The following SDK1 variants were observed in gnomAD, a reference collection of about 807,000 sequenced individuals.
The protein encoded by SDK1 is sidekick cell adhesion molecule 1.
SDK1 carries 157 observed loss-of-function variants against 245.5 expected under a neutral mutation model. The ratio of observed to expected loss-of-function variants is 0.64; its 90% CI spans 0.56 to 0.73. The LOEUF (loss-of-function observed/expected upper bound fraction) is 0.73. SDK1 is among the 30% of genes least tolerant of loss of function. The pLI is 0.00. For missense variants in SDK1, 3,583 were observed against 3,002.3 expected (o/e 1.19, Z -4.52); for synonymous variants, 1,647 against 1,278.5 (o/e 1.29, Z -6.15).
At position 4,011,043 on chromosome 7, in the gene SDK1, C is replaced by G; in HGVS notation, c.2209C>G (p.Arg737Gly). 1 of 1,614,190 alleles carries G rather than the reference C, an allele frequency of 6.2e-7. No homozygotes were observed. The change falls in exon 15 of 45, where the codon CGT becomes GGT. Residue 737 changes from arginine (R) to glycine (G), a missense_variant. Coordinates refer to ENST00000404826, the MANE Select transcript of SDK1 (RefSeq NM_152744.4). ...CACCGTGAGTGGCCTGACTCCGGCT[C>G]GTACCTATCAATTCCGGGTGTGCGC... ...GVTVSGLTPA[R>G]TYQFRVCAVN...
At chr7:3,526,952 G>C (rs1224182599) in intron 1 of SDK1, among the ~76,000 whole-genome samples, 1 of 152,222 alleles carries the variant, frequency 6.6e-6, no homozygotes, top group Non-Finnish European at 1.5e-5. Context: ...GTTCAGACAG[G>C]AGGTTGTCAG....
At chr7:3,439,077 T>G (rs1229753950) in intron 1 of SDK1, among the ~76,000 whole-genome samples, 1 of 152,072 alleles carries the variant, frequency 6.6e-6, no homozygotes, top group Non-Finnish European at 1.5e-5. Context: ...GGTCTCAAAC[T>G]CCTGACCTCT....
intron 25 of SDK1, among the ~76,000 whole-genome samples, chr7:4,119,421 CT>C (rs1783923728): frequency 6.7e-6 from 1 of 148,500 alleles, no homozygotes; most frequent in African/African-American, 2.5e-5. Context: ...TACCCCTGCA[CT>C]GCAGCCTGGG....
intron 2 of SDK1, among the ~76,000 whole-genome samples, chr7:3,623,513 T>A (rs1219972880): frequency 1.3e-5 from 2 of 152,122 alleles, no homozygotes; most frequent in Non-Finnish European, 2.9e-5. Flanking sequence ...AGTGCTGGGA[T>A]TACAGGTGTG....
intron 1 of SDK1, among the ~76,000 whole-genome samples, chr7:3,471,685 G>A (rs557299209): frequency 2.0e-5 from 3 of 152,302 alleles, no homozygotes; most frequent in Admixed American, 6.5e-5. Flanking sequence ...TTGTTTTCAA[G>A]ATGAAGGACT....
intron 44 of SDK1, among the ~76,000 whole-genome samples, chr7:4,257,451 C>T (rs1016655414): frequency 1.3e-5 from 2 of 152,104 alleles, no homozygotes; most frequent in Non-Finnish European, 2.9e-5. Flanking sequence ...AAAATACATC[C>T]CCATTAAAAA....
chr7:3,460,552 A>G (rs1285871721), intron 1 of SDK1, among the ~76,000 whole-genome samples: 1 of 152,184 alleles, frequency 6.6e-6, no homozygotes, highest in Non-Finnish European at 1.5e-5. Flanking sequence ...GTGTCATAAT[A>G]ATTTATTTAC....
intron 9 of SDK1, among the ~76,000 whole-genome samples, chr7:3,964,687 A>G (rs927617027): frequency 8.5e-5 from 13 of 152,170 alleles, no homozygotes; most frequent in Admixed American, 5.2e-4. Context: ...TTATGGAATT[A>G]TACCTTTTGT....
intron 32 of SDK1, among the ~76,000 whole-genome samples, chr7:4,172,167 G>A (rs1238824111): frequency 6.6e-6 from 1 of 152,208 alleles, no homozygotes; most frequent in East Asian, 1.9e-4. Context: ...CCTGAATTGG[G>A]AGCATCACAG....
chr7:3,614,072 T>TA (rs1179215264), intron 1 of SDK1, among the ~76,000 whole-genome samples: 1 of 152,126 alleles, frequency 6.6e-6, no homozygotes, highest in Non-Finnish European at 1.5e-5. Flanking sequence ...CAAACCCCCA[T>TA]AGCACAAGTT....
chr7:3,544,939 A>G (rs1477144844), intron 1 of SDK1, among the ~76,000 whole-genome samples: 1 of 152,152 alleles, frequency 6.6e-6, no homozygotes, highest in Non-Finnish European at 1.5e-5. Context: ...GGATTTGTAT[A>G]AAACTCACGG....
At chr7:3,472,371 C>T (rs995316756) in intron 1 of SDK1, among the ~76,000 whole-genome samples, 2 of 150,722 alleles carry the variant, frequency 1.3e-5, no homozygotes, top group Admixed American at 1.3e-4. Context: ...CTATTAGGTG[C>T]TGTGAAGGAA....
chr7:3,378,906 C>G (rs1380273394), intron 1 of SDK1, among the ~76,000 whole-genome samples: 2 of 152,050 alleles, frequency 1.3e-5, no homozygotes, highest in Non-Finnish European at 2.9e-5. Flanking sequence ...CGGAGAGTTG[C>G]ATGCATGCTC....
chr7:3,967,489 G>T, intron 10 of SDK1, 55 bp downstream of exon 10: 1 of 1,057,742 alleles, frequency 9.5e-7, no homozygotes, highest in Non-Finnish European at 1.5e-6. Context: ...ATAACCTATC[G>T]GGCCAGTGCT....
intron 1 of SDK1, among the ~76,000 whole-genome samples, chr7:3,599,954 A>G (rs535721886): frequency 1.3e-5 from 2 of 152,340 alleles, no homozygotes; most frequent in African/African-American, 2.4e-5. Flanking sequence ...TCTTGTATAT[A>G]TCTATAATTA....
At chr7:3,915,890 C>T (rs557861328) in intron 5 of SDK1, among the ~76,000 whole-genome samples, 3 of 152,266 alleles carry the variant, frequency 2.0e-5, no homozygotes, top group East Asian at 3.9e-4. Flanking sequence ...TAGTGAACTA[C>T]AGTTTATTTG....
chr7:3,383,948 T>C (rs1781550029), intron 1 of SDK1, among the ~76,000 whole-genome samples: 1 of 152,240 alleles, frequency 6.6e-6, no homozygotes, highest in Non-Finnish European at 1.5e-5. Flanking sequence ...CATTTCAGAA[T>C]ATAAGACATT....
chr7:3,548,232 G>A (rs1196843891), intron 1 of SDK1, among the ~76,000 whole-genome samples: 1 of 152,170 alleles, frequency 6.6e-6, no homozygotes, highest in Non-Finnish European at 1.5e-5. Context: ...ATGGAAGGTG[G>A]TTGATTCAAT....
chr7:3,509,418 A>G (rs902650006), intron 1 of SDK1, among the ~76,000 whole-genome samples: 1 of 152,204 alleles, frequency 6.6e-6, no homozygotes, highest in South Asian at 2.1e-4. Flanking sequence ...CAGTTGTAAG[A>G]CAGGGTAATG....
Sources: gnomAD v4.1 joint callset for allele counts (sites outside exome capture counted in the v4.1 genomes callset) on GRCh38, gnomAD v4.1.1 for gene constraint, MANE v1.5 for transcripts, NCBI Gene and HGNC (gene_info 2026-07-23, HGNC 2026-07-21) for gene names.